The following ME1 variants were observed in gnomAD, a reference collection of about 807,000 sequenced individuals.
The protein encoded by ME1 is malic enzyme 1.
ME1 carries 74 observed loss-of-function variants against 66.4 expected under a neutral mutation model. The observed-to-expected ratio is 1.11, with a 90% CI of 0.92 to 1.35. The LOEUF (loss-of-function observed/expected upper bound fraction) is 1.35. ME1 is among the 40% of genes most tolerant of loss of function. The pLI, the probability that ME1 is intolerant of heterozygous loss-of-function variation, is 0.00. For missense variants in ME1, 750 were observed against 694.1 expected (o/e 1.08, Z -0.90); for synonymous variants, 251 against 235.6 (o/e 1.07, Z -0.60).
chr6:83,275,896 A>G (rs1429521727), intron 6 of ME1, among the ~76,000 whole-genome samples: 1 of 144,654 alleles, frequency 6.9e-6, no homozygotes, highest in Non-Finnish European at 1.5e-5. Context: ...CAGCCTCAGG[A>G]GTAGCTGGGA....
chr6:83,308,993 T>C (rs985944159), intron 6 of ME1, among the ~76,000 whole-genome samples: 4 of 152,018 alleles, frequency 2.6e-5, no homozygotes, highest in African/African-American at 9.7e-5. Flanking sequence ...AAGACAAGCT[T>C]TGACCTAGTT....
At chr6:83,212,155 G>A (rs1251887735) in intron 13 of ME1, 61 bp from the exon 14 acceptor site, 8 of 1,226,346 alleles carry the variant, frequency 6.5e-6, no homozygotes, top group Non-Finnish European at 8.8e-6. Flanking sequence ...GAGCCCATGT[G>A]AGTGGAAGTT....
chr6:83,243,839 T>A (rs1790562324), intron 7 of ME1, among the ~76,000 whole-genome samples: 1 of 132,622 alleles, frequency 7.5e-6, no homozygotes, highest in Admixed American at 8.9e-5. Context: ...ATATATAATA[T>A]AAATTATATA....
Position 83,405,870 on chromosome 6 carries a change from C to T in ME1, c.212+1898G>A, listed in dbSNP as rs1040769359. The stretch of plus-strand genomic sequence containing the variant: ...CCAAGTAGCTGGGACTACAGGCGCC[C>T]GCCACTATGCCCGGCTAATTTTTTG... On this transcript the variant is annotated intron_variant, in intron 2 of 13. Transcript: ENST00000369705. Among the ~76,000 whole-genome samples the T allele has an allele frequency of 1.3e-3, 198 of 151,596 alleles. 1 individual carries two copies. Among genetic ancestry groups the T allele is most frequent in the Non-Finnish European group, 2.4e-3 (160 of 67,870 alleles).
chr6:83,320,414 T>C (rs1173378606), intron 5 of ME1, among the ~76,000 whole-genome samples: 1 of 152,250 alleles, frequency 6.6e-6, no homozygotes, highest in Non-Finnish European at 1.5e-5. Context: ...TATAATGTAT[T>C]GCATAAGAAG....
chr6:83,267,527 G>A (rs1441857088), intron 6 of ME1, among the ~76,000 whole-genome samples: 2 of 152,174 alleles, frequency 1.3e-5, no homozygotes, highest in African/African-American at 4.8e-5. Flanking sequence ...AACAGTTTTA[G>A]CCTCTCTGAT....
At chr6:83,429,601 A>G (rs1049687648) in intron 1 of ME1, among the ~76,000 whole-genome samples, 5 of 152,244 alleles carry the variant, frequency 3.3e-5, no homozygotes, top group Admixed American at 3.3e-4. Flanking sequence ...TATTTTAAAG[A>G]AAGAAATAAG....
chr6:83,250,026 T>C (rs1400281554), intron 7 of ME1, among the ~76,000 whole-genome samples: 1 of 152,182 alleles, frequency 6.6e-6, no homozygotes, highest in African/African-American at 2.4e-5. Context: ...GCCTTGCCTA[T>C]TCCTGAACTG....
chr6:83,215,062 T>C (rs983140036), intron 13 of ME1, among the ~76,000 whole-genome samples: 1 of 152,238 alleles, frequency 6.6e-6, no homozygotes, highest in African/African-American at 2.4e-5. Flanking sequence ...AACTAGCAGA[T>C]ACATATTAGT....
intron 3 of ME1, among the ~76,000 whole-genome samples, chr6:83,377,927 G>A (rs1769323676): frequency 6.6e-6 from 1 of 152,060 alleles, no homozygotes; most frequent in African/African-American, 2.4e-5. Flanking sequence ...CACAGATTCA[G>A]TAAAATCATG....
intron 13 of ME1, 137 bp downstream of exon 13, chr6:83,216,361 C>G: frequency 1.5e-6 from 1 of 681,366 alleles, no homozygotes; most frequent in Non-Finnish European, 2.6e-6. Flanking sequence ...TGTCAGTGTG[C>G]CTCATTTCTC....
intron 6 of ME1, among the ~76,000 whole-genome samples, chr6:83,256,769 T>TA: frequency 6.6e-6 from 1 of 152,228 alleles, no homozygotes; most frequent in South Asian, 2.1e-4. Flanking sequence ...CTATTCACAA[T>TA]AGCAAAGACT....
At chr6:83,312,663 G>C (rs1767952766) in intron 6 of ME1, among the ~76,000 whole-genome samples, 1 of 152,270 alleles carries the variant, frequency 6.6e-6, no homozygotes, top group African/African-American at 2.4e-5. Context: ...TCCCAACTAA[G>C]TTATCCATGG....
intron 6 of ME1, among the ~76,000 whole-genome samples, chr6:83,281,579 G>C (rs1342456268): frequency 1.3e-5 from 2 of 151,998 alleles, no homozygotes; most frequent in African/African-American, 4.8e-5. Context: ...GCAGGTGTGG[G>C]CCCATCACTT....
intron 3 of ME1, among the ~76,000 whole-genome samples, chr6:83,357,252 T>G (rs900391336): frequency 6.6e-6 from 1 of 152,204 alleles, no homozygotes; most frequent in Admixed American, 6.5e-5. Context: ...AGTGGCGTCC[T>G]CCAGGCTTCT....
At chr6:83,222,064 G>A (rs1005337398) in intron 12 of ME1, among the ~76,000 whole-genome samples, 4 of 151,914 alleles carry the variant, frequency 2.6e-5, no homozygotes, top group African/African-American at 7.3e-5. Flanking sequence ...TATTTTTCAC[G>A]GAATTTGTCA....
chr6:83,257,218 A>G (rs1275695598), intron 6 of ME1, among the ~76,000 whole-genome samples: 3 of 151,744 alleles, frequency 2.0e-5, no homozygotes, highest in Non-Finnish European at 4.4e-5. Flanking sequence ...AAAAATAAAT[A>G]AAATTAAGAC....
intron 3 of ME1, among the ~76,000 whole-genome samples, chr6:83,356,423 A>G (rs999269367): frequency 3.3e-5 from 5 of 152,220 alleles, no homozygotes; most frequent in Non-Finnish European, 7.4e-5. Context: ...ACTTCAAGTA[A>G]AATGTAGGTC....
chr6:83,362,658 G>C (rs142442906), intron 3 of ME1, among the ~76,000 whole-genome samples: 7 of 152,336 alleles, frequency 4.6e-5, no homozygotes, highest in African/African-American at 1.7e-4. Context: ...CAGCTACCTA[G>C]TGGCAGGTTG....
Sources: allele counts gnomAD v4.1 joint callset (sites outside exome capture counted in the v4.1 genomes callset), GRCh38; gene constraint gnomAD v4.1.1; transcripts MANE v1.5; gene names NCBI Gene and HGNC (gene_info 2026-07-23, HGNC 2026-07-21).